The following SV2C variants were observed in gnomAD, a reference collection of about 807,000 sequenced individuals.
SV2C encodes solute carrier family 22 member B3.
Under a neutral mutation model 79.7 loss-of-function variants are expected in SV2C, and 49 were observed. That is an observed-to-expected ratio of 0.61 (90% confidence interval 0.49 to 0.78). The LOEUF (loss-of-function observed/expected upper bound fraction) is 0.78, where lower values mean the gene tolerates loss of function less well. Among genes scored for constraint, SV2C ranks in the 30% least tolerant of loss-of-function variants. The pLI, the probability that SV2C is intolerant of heterozygous loss-of-function variation, is 0.00. For synonymous variants in SV2C, 334 were observed against 333.2 expected, an observed-to-expected ratio of 1.00 and a Z score of -0.03; for missense variants, 833 against 912.9, an observed-to-expected ratio of 0.91 and a Z score of 1.13.
In SV2C at chr5:76,107,819, A is replaced by T. The variant is rs540856474; in HGVS notation, c.-101-23831A>T. Among the ~76,000 whole-genome samples, 148 of 152,288 alleles carry T rather than the reference A, an allele frequency of 9.7e-4. 1 individual carries two copies. The highest frequency in any genetic ancestry group is 3.2e-3 in the African/African-American group (133 of 41,572). On this transcript the variant is annotated intron_variant, in intron 1 of 12. Coordinates refer to ENST00000502798, the MANE Select transcript of SV2C (RefSeq NM_014979.4). ...AGTGAGCCAAGATCACACTACTGCA[A>T]TCCAGCCTGGGCAACAGATGAAGAC...
At chr5:75,923,016 C>G in the SV2C span, among the ~76,000 whole-genome samples, 5 of 152,120 alleles carry the variant, frequency 3.3e-5, no homozygotes, top group African/African-American at 1.2e-4. Flanking sequence ...GTAACTTGCC[C>G]GTGGTCACAA....
intron 2 of SV2C, among the ~76,000 whole-genome samples, chr5:76,155,042 A>G (rs1742678814): frequency 6.6e-6 from 1 of 152,246 alleles, no homozygotes; most frequent in Non-Finnish European, 1.5e-5. Flanking sequence ...GCATAGAGAA[A>G]TAGTCATTAT....
At chr5:75,853,413 G>A in the SV2C span, among the ~76,000 whole-genome samples, 32 of 151,448 alleles carry the variant, frequency 2.1e-4, no homozygotes, top group African/African-American at 7.0e-4. Flanking sequence ...AAAACTAGCC[G>A]GGCGTGGTGG....
chr5:76,217,788 A>T (rs1744947879), intron 4 of SV2C, among the ~76,000 whole-genome samples: 1 of 152,194 alleles, frequency 6.6e-6, no homozygotes, highest in African/African-American at 2.4e-5. Context: ...GATAAAAGAG[A>T]ACCAAGGTAT....
the SV2C span, among the ~76,000 whole-genome samples, chr5:75,883,011 C>T: frequency 2.0e-5 from 3 of 147,664 alleles, no homozygotes; most frequent in Non-Finnish European, 4.5e-5. Context: ...ACAAACAACC[C>T]CATCAAAAAG....
chr5:76,003,915 A>G, the SV2C span, among the ~76,000 whole-genome samples: 110 of 152,102 alleles, frequency 7.2e-4, no homozygotes, highest in Non-Finnish European at 1.3e-3. Flanking sequence ...AGAGAGAACT[A>G]AATGCACAGG....
intron 2 of SV2C, among the ~76,000 whole-genome samples, chr5:76,161,771 C>T (rs1742904598): frequency 6.6e-6 from 1 of 152,120 alleles, no homozygotes; most frequent in African/African-American, 2.4e-5. Flanking sequence ...AATTATATCT[C>T]AATAAAGCTG....
intron 2 of SV2C, among the ~76,000 whole-genome samples, chr5:76,162,549 C>T (rs940571074): frequency 6.6e-6 from 1 of 152,192 alleles, no homozygotes; most frequent in Non-Finnish European, 1.5e-5. Context: ...GTACCAGATG[C>T]TTCCTGACAG....
At chr5:76,104,468 T>A (rs1397898890) in intron 1 of SV2C, among the ~76,000 whole-genome samples, 4 of 152,194 alleles carry the variant, frequency 2.6e-5, no homozygotes, top group African/African-American at 9.6e-5. Context: ...CACAGCAGCC[T>A]CAAATTCCTG....
the SV2C span, among the ~76,000 whole-genome samples, chr5:75,894,323 A>G: frequency 1.3e-5 from 2 of 152,102 alleles, no homozygotes; most frequent in Admixed American, 1.3e-4. Context: ...GTTTGCAGCA[A>G]TCCAGAGAGT....
the SV2C span, among the ~76,000 whole-genome samples, chr5:75,872,928 AG>A: frequency 1.3e-5 from 2 of 151,994 alleles, no homozygotes; most frequent in Non-Finnish European, 2.9e-5. Context: ...AATTAAAAAA[AG>A]AAAAAGAAAA....
the SV2C span, among the ~76,000 whole-genome samples, chr5:76,037,908 G>C: frequency 6.6e-6 from 1 of 152,238 alleles, no homozygotes; most frequent in Admixed American, 6.5e-5. Context: ...CGTGGGCATA[G>C]GACCCTCCAA....
intron 4 of SV2C, among the ~76,000 whole-genome samples, chr5:76,270,928 C>T (rs1300184557): frequency 6.6e-6 from 1 of 151,944 alleles, no homozygotes; most frequent in Non-Finnish European, 1.5e-5. Flanking sequence ...ACCACTGCAT[C>T]CAGCTAATTT....
the SV2C span, among the ~76,000 whole-genome samples, chr5:75,883,725 A>G: frequency 6.6e-6 from 1 of 150,392 alleles, no homozygotes; most frequent in Non-Finnish European, 1.5e-5. Flanking sequence ...ATTGGGAGAT[A>G]TACCTAATGC....
In SV2C at chr5:76,088,802, A is replaced by T. The variant is rs185027061; in HGVS notation, c.-102+5290A>T. On this transcript the variant is annotated intron_variant, in intron 1 of 12. Coordinates refer to ENST00000502798, the MANE Select transcript of SV2C (RefSeq NM_014979.4). ...AATTTTACAATTTCCTTTTTTTTAA[A>T]AAAAAATGGGAATTTTTCATTAATG... Among the ~76,000 whole-genome samples the T allele has an allele frequency of 7.9e-3, 1,200 of 152,022 alleles. 23 individuals carry two copies. Among genetic ancestry groups the T allele is most frequent in the African/African-American group, 0.028 (1,146 of 41,460 alleles).
intron 1 of SV2C, among the ~76,000 whole-genome samples, chr5:76,094,795 T>G (rs1747496075): frequency 6.6e-6 from 1 of 152,172 alleles, no homozygotes; most frequent in Non-Finnish European, 1.5e-5. Context: ...GTTGCTTGCT[T>G]TCTTATTGTT....
At chr5:75,893,312 T>G in the SV2C span, among the ~76,000 whole-genome samples, 4 of 152,086 alleles carry the variant, frequency 2.6e-5, no homozygotes, top group Non-Finnish European at 4.4e-5. Context: ...TCATTGGAGA[T>G]TCTGGATATA....
At chr5:76,336,385 CAG>C (rs1749325811), downstream of SV2C, among the ~76,000 whole-genome samples, 1 of 151,742 alleles carries the variant, frequency 6.6e-6, no homozygotes, top group South Asian at 2.1e-4. Flanking sequence ...GGCGGCCTGG[CAG>C]AGACGCTCCT....
chr5:75,913,794 T>C, the SV2C span, among the ~76,000 whole-genome samples: 1 of 152,190 alleles, frequency 6.6e-6, no homozygotes, highest in African/African-American at 2.4e-5. Context: ...CAAAAGATTC[T>C]GGATTCTTCT....
Sources: gnomAD v4.1 joint callset for allele counts (sites outside exome capture counted in the v4.1 genomes callset) on GRCh38, gnomAD v4.1.1 for gene constraint, MANE v1.5 for transcripts, NCBI Gene and HGNC (gene_info 2026-07-23, HGNC 2026-07-21) for gene names.